The following BICDL1 variants were observed in gnomAD, a reference collection of about 807,000 sequenced individuals.
BICDL1 encodes BICD family like cargo adaptor 1.
BICDL1 carries 20 observed loss-of-function variants against 76.8 expected under a neutral mutation model. The observed-to-expected ratio is 0.26, with a 90% CI of 0.18 to 0.38. The LOEUF (loss-of-function observed/expected upper bound fraction) is 0.38, where lower values mean the gene tolerates loss of function less well. BICDL1 is among the 10% of genes least tolerant of loss of function. BICDL1 has a pLI of 1.00. For synonymous variants in BICDL1, 383 were observed against 337.1 expected (o/e 1.14, Z -1.49); for missense variants, 700 against 798.6 (o/e 0.88, Z 1.49).
At chr12:120,052,972 G>C (rs1442180194) in intron 2 of BICDL1, among the ~76,000 whole-genome samples, 1 of 152,046 alleles carries the variant, frequency 6.6e-6, no homozygotes, top group African/African-American at 2.4e-5. Flanking sequence ...TAGAGGTGGG[G>C]TTTCACCATG....
At chr12:120,076,801 G>A (rs1286368176) in intron 7 of BICDL1, among the ~76,000 whole-genome samples, 1 of 152,224 alleles carries the variant, frequency 6.6e-6, no homozygotes, top group Non-Finnish European at 1.5e-5. Context: ...GCAGGGGTAG[G>A]GTGCAGATTG....
chr12:120,060,362 G>C (rs1358306812), intron 2 of BICDL1, among the ~76,000 whole-genome samples: 2 of 152,232 alleles, frequency 1.3e-5, no homozygotes. Flanking sequence ...AGGGTGGGGT[G>C]AGGGAGTTGG....
At chr12:120,051,086 G>A (rs1405624775) in intron 2 of BICDL1, among the ~76,000 whole-genome samples, 1 of 148,626 alleles carries the variant, frequency 6.7e-6, no homozygotes, top group Non-Finnish European at 1.5e-5. Context: ...GAGCTGGAGT[G>A]CCTAGAGCTG....
intron 2 of BICDL1, among the ~76,000 whole-genome samples, chr12:120,047,317 A>G (rs955559661): frequency 5.3e-5 from 8 of 152,092 alleles, no homozygotes; most frequent in African/African-American, 1.9e-4. Flanking sequence ...ATATCTGACT[A>G]TTTGTTTTTG....
chr12:120,064,932 C>A (rs1953188453), intron 4 of BICDL1, 53 bp downstream of exon 4: 2 of 1,538,166 alleles, frequency 1.3e-6, no homozygotes, highest in East Asian at 4.7e-5. Flanking sequence ...AAAAGGAGCA[C>A]TTAGCCAAAA....
Position 120,094,351 on chromosome 12 carries a change from T to G in BICDL1, c.*1190T>G, listed in dbSNP as rs1346500461. On this transcript the variant is annotated 3_prime_UTR_variant, in exon 10 of 10. Coordinates refer to ENST00000548673, the MANE Select transcript of BICDL1 (RefSeq NM_001367886.1). ...GTGTACATACCACAGTGCTGTAATT[T>G]TGTATGTAGCAATCATGTAAATACA... The G allele has an allele frequency of 2.2e-6, 1 of 453,142 alleles. No individual in the cohort carries two copies. Among genetic ancestry groups the G allele is most frequent in the Non-Finnish European group, 4.4e-6 (1 of 224,854 alleles). The allele number at this position is 453,142 out of a possible 1,614,324, so 28.1% of individuals were successfully genotyped here.
At chr12:120,068,687 A>G (rs764851972) in intron 4 of BICDL1, among the ~76,000 whole-genome samples, 2 of 152,178 alleles carry the variant, frequency 1.3e-5, no homozygotes, top group Non-Finnish European at 1.5e-5. Flanking sequence ...ATGGCGGCGC[A>G]TGCCTGTGGT....
At chr12:120,024,597 CTG>C (rs1952250270) in intron 2 of BICDL1, among the ~76,000 whole-genome samples, 1 of 152,220 alleles carries the variant, frequency 6.6e-6, no homozygotes, top group Non-Finnish European at 1.5e-5. Context: ...GAAAACTACA[CTG>C]TCATTTATCT....
chr12:120,066,388 AAG>A (rs1187083441), intron 4 of BICDL1, among the ~76,000 whole-genome samples: 5 of 152,218 alleles, frequency 3.3e-5, no homozygotes, highest in Non-Finnish European at 7.3e-5. Context: ...CCTTGCCTAA[AAG>A]AAACTTTCAG....
rs756095810 is a variant in BICDL1, at chr12:120,089,939, G to C, written c.1584-12G>C. ...AAGGTGTCCATGTTCACCCTGGCTT[G>C]TCTGTTCTCAGGAAGAATGCTGTGG... On this transcript the variant is annotated splice_polypyrimidine_tract_variant and intron_variant, in intron 8 of 9. Transcript: ENST00000548673. 2.5e-6 allele frequency: 4 copies of C among 1,613,836 alleles called. No homozygotes were observed. In the South Asian group the frequency reaches 3.3e-5, roughly 13 times the overall value.
At chr12:120,006,849 G>A (rs181648272) in intron 2 of BICDL1, among the ~76,000 whole-genome samples, 1 of 152,136 alleles carries the variant, frequency 6.6e-6, no homozygotes, top group East Asian at 1.9e-4. Context: ...TTTTGGCAGG[G>A]GAGCATCATG....
chr12:120,066,362 GA>G (rs1953220483), intron 4 of BICDL1, among the ~76,000 whole-genome samples: 1 of 152,186 alleles, frequency 6.6e-6, no homozygotes, highest in Non-Finnish European at 1.5e-5. Flanking sequence ...TAAGTATGGA[GA>G]AAGAGAAAAA....
rs1873929631 is a variant in BICDL1 at position 120,081,014 on chromosome 12, C to G, written c.1580C>G (p.Ala527Gly). 3 of 1,612,944 alleles carry G rather than the reference C, an allele frequency of 1.9e-6. No individual in the cohort carries two copies. Among genetic ancestry groups the G allele is most frequent in the Non-Finnish European group, 1.7e-6 (2 of 1,179,616 alleles). Residue 527 changes from alanine (A) to glycine (G), a missense_variant, in exon 8 of 10, where the codon GCA becomes GGA. Coordinates refer to ENST00000548673, the MANE Select transcript of BICDL1 (RefSeq NM_001367886.1). The part of the protein sequence containing the change: ...KAIRDRDEAI[A>G]KKNAVELELA... ...ATCAGGGACCGCGACGAGGCCATTG[C>G]AAAGTGAGTAGGGATGGCTTCACTT...
chr12:120,010,693 T>TA (rs1951935674), intron 2 of BICDL1, among the ~76,000 whole-genome samples: 1 of 152,238 alleles, frequency 6.6e-6, no homozygotes. Context: ...TTTAATGTTT[T>TA]ATGTATTGAA....
intron 1 of BICDL1, among the ~76,000 whole-genome samples, chr12:119,997,027 C>G (rs1951664370): frequency 6.6e-6 from 1 of 151,556 alleles, no homozygotes; most frequent in Non-Finnish European, 1.5e-5. Flanking sequence ...CGGCTCACTG[C>G]AAGCTCTGCC....
chr12:120,017,740 AAG>A (rs1291220689), intron 2 of BICDL1, among the ~76,000 whole-genome samples: 2 of 152,160 alleles, frequency 1.3e-5, no homozygotes, highest in Non-Finnish European at 2.9e-5. Context: ...TGAAAAAAAA[AAG>A]AAAATGTGTC....
chr12:120,009,221 C>T (rs1246099924), intron 2 of BICDL1, among the ~76,000 whole-genome samples: 1 of 152,050 alleles, frequency 6.6e-6, no homozygotes, highest in Non-Finnish European at 1.5e-5. Context: ...CTTCTGACTT[C>T]ATGATCCGCC....
Position 120,051,049 on chromosome 12 carries a change from C to T in BICDL1, c.646-10661C>T, listed in dbSNP as rs1272549970. Among the ~76,000 whole-genome samples, 5 of 151,446 alleles carry T rather than the reference C, an allele frequency of 3.3e-5. No individual in the cohort carries two copies. In the South Asian group the frequency reaches 6.3e-4, roughly 19 times the overall value. On this transcript the variant is annotated intron_variant, in intron 2 of 9. Coordinates refer to ENST00000548673, the MANE Select transcript of BICDL1 (RefSeq NM_001367886.1). ...CCTGGAGATTTTTTTTCTTTTCCCC[C>T]GAGACAGAGTCTTGCTCTGTCGCCC...
Position 120,088,389 on chromosome 12 carries a change from C to T in BICDL1, c.1584-1562C>T, listed in dbSNP as rs1431752168. Among the ~76,000 whole-genome samples, 4 of 150,398 alleles carry T rather than the reference C, an allele frequency of 2.7e-5. No homozygotes were observed. The East Asian group carries it at 6.0e-4, about 23-fold the overall frequency. On this transcript the variant is annotated intron_variant, in intron 8 of 9. Coordinates refer to ENST00000548673, the MANE Select transcript of BICDL1 (RefSeq NM_001367886.1). ...TTTATTTTTTTGAGACGGAGTCTTG[C>T]TCTATTGCCCAGGCTGGAGTGCAGT...
Sources: allele counts gnomAD v4.1 joint callset (sites outside exome capture counted in the v4.1 genomes callset), GRCh38; gene constraint gnomAD v4.1.1; transcripts MANE v1.5; gene names NCBI Gene and HGNC (gene_info 2026-07-23, HGNC 2026-07-21).